CDKAL1: variants seen among roughly 807,000 people sequenced by gnomAD.
CDKAL1 encodes the protein CDKAL1 threonylcarbamoyladenosine tRNA methylthiotransferase, also known as threonylcarbamoyladenosine tRNA methylthiotransferase.
In CDKAL1, 32 loss-of-function variants were observed where a neutral mutation model predicts 68.2. The observed-to-expected ratio is 0.47, with a 90% confidence interval of 0.35 to 0.63. The LOEUF (loss-of-function observed/expected upper bound fraction) is 0.63. CDKAL1 is among the 30% of genes least tolerant of loss of function. CDKAL1 has a pLI of 0.00. For missense variants in CDKAL1, 606 were observed against 696.7 expected (o/e 0.87, Z 1.47); for synonymous variants, 234 against 244.3 (o/e 0.96, Z 0.39).
At chr6:21,133,811 G>C (rs1443255752) in intron 13 of CDKAL1, among the ~76,000 whole-genome samples, 1 of 152,118 alleles carries the variant, frequency 6.6e-6, no homozygotes, top group Non-Finnish European at 1.5e-5. Context: ...TAGTACATTT[G>C]TTTATGAAGA....
intron 9 of CDKAL1, among the ~76,000 whole-genome samples, chr6:20,858,248 T>C (rs1430057052): frequency 6.6e-6 from 1 of 152,202 alleles, no homozygotes; most frequent in Non-Finnish European, 1.5e-5. Flanking sequence ...GGAATGTTTA[T>C]TTTTAAAGCT....
intron 9 of CDKAL1, among the ~76,000 whole-genome samples, chr6:20,850,191 A>G (rs924176694): frequency 6.6e-6 from 1 of 152,150 alleles, no homozygotes; most frequent in African/African-American, 2.4e-5. Flanking sequence ...TCTATAATGA[A>G]AAACCTAAAT....
chr6:20,778,672 G>C (rs892574079), intron 7 of CDKAL1, among the ~76,000 whole-genome samples: 1 of 152,168 alleles, frequency 6.6e-6, no homozygotes, highest in Non-Finnish European at 1.5e-5. Context: ...ATGGTGTTAA[G>C]TTACAGTCCA....
At chr6:21,168,849 C>T (rs1009146666) in intron 13 of CDKAL1, among the ~76,000 whole-genome samples, 1 of 152,122 alleles carries the variant, frequency 6.6e-6, no homozygotes, top group Admixed American at 6.5e-5. Flanking sequence ...ATCTCTGTTT[C>T]TCTCTCTCCC....
At chr6:21,001,632 A>T (rs77594637) in intron 11 of CDKAL1, among the ~76,000 whole-genome samples, 2 of 152,214 alleles carry the variant, frequency 1.3e-5, no homozygotes, top group African/African-American at 4.8e-5. Flanking sequence ...TAATACTTTC[A>T]AATCTTGAAC....
At chr6:21,043,500 A>T (rs531856899) in intron 11 of CDKAL1, among the ~76,000 whole-genome samples, 32 of 152,244 alleles carry the variant, frequency 2.1e-4, no homozygotes, top group African/African-American at 7.5e-4. Context: ...ACTTGTAAGG[A>T]TACTCCCAAG....
intron 8 of CDKAL1, among the ~76,000 whole-genome samples, chr6:20,795,821 G>GT (rs1776086226): frequency 6.6e-6 from 1 of 152,174 alleles, no homozygotes. Context: ...AAACTGGCCA[G>GT]TGCTTGGGTG....
Position 20,990,451 on chromosome 6 carries a change from G to A in CDKAL1, c.910-9776G>A, listed in dbSNP as rs117613654. 1.1e-4 allele frequency among the ~76,000 whole-genome samples: 16 copies of A among 152,236 alleles called. No individual in the cohort carries two copies. In the East Asian group the frequency reaches 2.5e-3, roughly 24 times the overall value. On this transcript the variant is annotated intron_variant, in intron 10 of 15. Transcript: ENST00000274695. ...GAAGTCCTTTTACATTTCTGTGAAC[G>A]CTAATTACAACAGATGTTTTGTCTC... is the stretch of plus-strand genomic sequence containing the variant.
chr6:21,176,471 G>A (rs1411472100), intron 13 of CDKAL1, among the ~76,000 whole-genome samples: 1 of 152,192 alleles, frequency 6.6e-6, no homozygotes. Flanking sequence ...CTCTTCAATG[G>A]TGAAATTTTA....
At chr6:20,851,109 G>A (rs1758987694) in intron 9 of CDKAL1, among the ~76,000 whole-genome samples, 1 of 151,636 alleles carries the variant, frequency 6.6e-6, no homozygotes, top group Admixed American at 6.6e-5. Context: ...CTGCATGTGA[G>A]TTTAAGATTT....
In CDKAL1 at chr6:20,717,740, A is replaced by G. The variant is rs533218422; in HGVS notation, c.372-21779A>G. Among the ~76,000 whole-genome samples, 267 of 152,326 alleles carry G rather than the reference A, an allele frequency of 1.8e-3. 1 individual carries two copies. Among genetic ancestry groups the G allele is most frequent in the African/African-American group, 5.6e-3 (232 of 41,582 alleles). On this transcript the variant is annotated intron_variant, in intron 5 of 15. Transcript: ENST00000274695. ...ATGTCTGAATATGTTTTCTTTAAAC[A>G]GGTAGAGTTGAGTTTCCCTGGGCCA...
At chr6:20,933,225 C>T (rs935519720) in intron 9 of CDKAL1, among the ~76,000 whole-genome samples, 1 of 152,166 alleles carries the variant, frequency 6.6e-6, no homozygotes, top group Non-Finnish European at 1.5e-5. Flanking sequence ...AAGTATTTAC[C>T]TTACCCATGA....
intron 12 of CDKAL1, among the ~76,000 whole-genome samples, chr6:21,105,293 CA>C (rs1773790810): frequency 1.3e-5 from 2 of 152,132 alleles, no homozygotes. Flanking sequence ...CTTTGCTCTC[CA>C]GGGGAAGGGA....
intron 5 of CDKAL1, among the ~76,000 whole-genome samples, chr6:20,701,788 A>C (rs1771374820): frequency 6.6e-6 from 1 of 152,198 alleles, no homozygotes; most frequent in African/African-American, 2.4e-5. Context: ...AATGTTTACT[A>C]GATCTTTAAT....
At chr6:20,715,493 G>C (rs1242733701) in intron 5 of CDKAL1, among the ~76,000 whole-genome samples, 1 of 152,164 alleles carries the variant, frequency 6.6e-6, no homozygotes, top group Non-Finnish European at 1.5e-5. Context: ...CTTGGCTATT[G>C]TGAATAATGC....
chr6:20,974,345 A>C (rs1268864414), intron 10 of CDKAL1, among the ~76,000 whole-genome samples: 2 of 152,204 alleles, frequency 1.3e-5, no homozygotes, highest in Non-Finnish European at 2.9e-5. Flanking sequence ...ATGAGCAATT[A>C]ATCTCCAGCT....
intron 13 of CDKAL1, among the ~76,000 whole-genome samples, chr6:21,172,278 G>A (rs1158598195): frequency 1.3e-5 from 2 of 152,160 alleles, no homozygotes; most frequent in Non-Finnish European, 2.9e-5. Context: ...TCTTCATGAT[G>A]TTCGTACCCC....
intron 13 of CDKAL1, among the ~76,000 whole-genome samples, chr6:21,116,787 G>C (rs1270624674): frequency 1.3e-5 from 2 of 152,146 alleles, no homozygotes; most frequent in East Asian, 1.9e-4. Flanking sequence ...TTAATCAACA[G>C]GTCTACATAG....
chr6:20,635,285 G>A (rs944566920), intron 4 of CDKAL1, among the ~76,000 whole-genome samples: 4 of 152,076 alleles, frequency 2.6e-5, no homozygotes, highest in African/African-American at 7.2e-5. Flanking sequence ...TTTTTACTCC[G>A]GGTGGTGTCC....
Sources: gnomAD v4.1 joint callset for allele counts (sites outside exome capture counted in the v4.1 genomes callset) on GRCh38, gnomAD v4.1.1 for gene constraint, MANE v1.5 for transcripts, NCBI Gene and HGNC (gene_info 2026-07-23, HGNC 2026-07-21) for gene names.